ECM2: variants seen among roughly 807,000 people sequenced by gnomAD.
ECM2 encodes the protein extracellular matrix protein 2, female organ and adipocyte specific.
ECM2 carries 57 observed loss-of-function variants against 67.5 expected under a neutral mutation model. The ratio of observed to expected loss-of-function variants is 0.84; its 90% CI spans 0.68 to 1.05. The LOEUF (loss-of-function observed/expected upper bound fraction) is 1.05, where lower values mean the gene tolerates loss of function less well. ECM2 is among the 50% of genes least tolerant of loss of function. ECM2 has a pLI of 0.00. For synonymous variants in ECM2, 258 were observed against 294.5 expected (o/e 0.88, Z 1.27); for missense variants, 741 against 822.8 (o/e 0.90, Z 1.22).
chr9:92,529,525 A>T (rs573280601), intron 1 of ECM2, among the ~76,000 whole-genome samples: 1 of 152,344 alleles, frequency 6.6e-6, no homozygotes, highest in African/African-American at 2.4e-5. Context: ...TAGGAGCTTT[A>T]TTCATAATTG....
chr9:92,539,115 T>C (rs4744139), upstream of ECM2: 64,517 of 152,118 alleles, frequency 0.42, 16,089 homozygotes, highest in African/African-American at 0.69. Context: ...GCCCACGCAC[T>C]GAATATTAGG....
chr9:92,555,906 A>T, the ECM2 span, among the ~76,000 whole-genome samples: 1 of 151,718 alleles, frequency 6.6e-6, no homozygotes, highest in South Asian at 2.1e-4. Context: ...TTCTGCTCTA[A>T]TCTTGGTTAT....
At chr9:92,522,988 C>G in intron 1 of ECM2, 95 bp from the exon 2 acceptor site, 1 of 1,201,442 alleles carries the variant, frequency 8.3e-7, no homozygotes, top group Non-Finnish European at 1.1e-6. Context: ...GTAGGCAAGT[C>G]TTTGAGAAAT....
At chr9:92,542,393 A>C in the ECM2 span, among the ~76,000 whole-genome samples, 1 of 151,624 alleles carries the variant, frequency 6.6e-6, no homozygotes, top group Non-Finnish European at 1.5e-5. Context: ...TCTTAATTTG[A>C]TGTAATCTCA....
upstream of ECM2, among the ~76,000 whole-genome samples, chr9:92,538,321 A>T (rs1003221789): frequency 6.6e-6 from 1 of 152,226 alleles, no homozygotes; most frequent in Non-Finnish European, 1.5e-5. Flanking sequence ...TACATGTATT[A>T]TGATCTTACC....
the ECM2 span, among the ~76,000 whole-genome samples, chr9:92,558,921 G>A: frequency 6.6e-6 from 1 of 152,112 alleles, no homozygotes; most frequent in Non-Finnish European, 1.5e-5. Flanking sequence ...GGGGAAAGCC[G>A]GCAGTCACAG....
At chr9:92,544,543 G>GT in the ECM2 span, among the ~76,000 whole-genome samples, 87 of 116,666 alleles carry the variant, frequency 7.5e-4, no homozygotes, top group African/African-American at 1.5e-3. Context: ...TTGTTGAGGG[G>GT]TTTTTTTTTT....
rs146863270 is a variant in ECM2, at chr9:92,502,383, C to T, written c.1604+130G>A. On this transcript the variant is annotated intron_variant, in intron 8 of 9. Coordinates refer to ENST00000344604, the MANE Select transcript of ECM2 (RefSeq NM_001393.4). Reference sequence around the variant, plus strand: ...GATAGGGTAAGGGTTCACTAAGAAACGATTCTGTCTCCGAGCCCTTCAGTA... The same window carrying T: ...GATAGGGTAAGGGTTCACTAAGAAATGATTCTGTCTCCGAGCCCTTCAGTA... The T allele has an allele frequency of 2.5e-4, 292 of 1,172,734 alleles. 1 individual carries two copies. In the African/African-American group the frequency reaches 3.6e-3, roughly 15 times the overall value. The allele number at this position is 1,172,734 out of a possible 1,614,324, so 72.6% of individuals were successfully genotyped here. A position where few individuals can be genotyped will look rare whatever the true frequency, so the allele number is the denominator to read the frequency against.
At chr9:92,517,911 A>G in intron 2 of ECM2, 36 bp from the exon 3 acceptor site, 7 of 1,611,776 alleles carry the variant, frequency 4.3e-6, no homozygotes, top group African/African-American at 1.3e-5. Context: ...TAAATTTCTT[A>G]TGTGATTATC....
intron 9 of ECM2, among the ~76,000 whole-genome samples, chr9:92,500,465 G>C (rs60863225): frequency 0.02 from 3,086 of 151,262 alleles, 109 homozygotes; most frequent in African/African-American, 0.07. Flanking sequence ...TTACAGGCGT[G>C]AGCCACTGCA....
chr9:92,501,514 G>A (rs2131154398), intron 8 of ECM2, among the ~76,000 whole-genome samples: 1 of 152,210 alleles, frequency 6.6e-6, no homozygotes, highest in Admixed American at 6.5e-5. Context: ...TTCCACATTT[G>A]ATTTGATGAC....
chr9:92,515,234 G>T, intron 3 of ECM2, 31 bp from the exon 4 acceptor site: 1 of 1,472,926 alleles, frequency 6.8e-7, no homozygotes, highest in Non-Finnish European at 9.0e-7. Context: ...AGGTAGCAGA[G>T]ATAAGTTGAT....
intron 1 of ECM2, 38 bp from the exon 2 acceptor site, chr9:92,522,931 A>G (rs1441707484): frequency 6.7e-7 from 1 of 1,503,566 alleles, no homozygotes. Context: ...GTGGTGACTA[A>G]ATTTTTACTT....
intron 7 of ECM2, 79 bp downstream of exon 7, chr9:92,505,454 A>C: frequency 8.1e-7 from 1 of 1,228,446 alleles, no homozygotes; most frequent in Non-Finnish European, 1.1e-6. Context: ...ACATCACAAT[A>C]GTCTTAAAAT....
At chr9:92,530,998 GT>G (rs1848715443) in intron 1 of ECM2, among the ~76,000 whole-genome samples, 1 of 151,984 alleles carries the variant, frequency 6.6e-6, no homozygotes, top group Non-Finnish European at 1.5e-5. Context: ...CAAAATATAT[GT>G]TTTGCTGTCT....
At chr9:92,548,436 A>G in the ECM2 span, among the ~76,000 whole-genome samples, 5 of 152,340 alleles carry the variant, frequency 3.3e-5, no homozygotes, top group African/African-American at 1.2e-4. Flanking sequence ...TCCACCCCAT[A>G]CTTGCCAGGA....
At chr9:92,540,263 CCT>C (rs1849285909), upstream of ECM2, among the ~76,000 whole-genome samples, 1 of 151,860 alleles carries the variant, frequency 6.6e-6, no homozygotes, top group African/African-American at 2.4e-5. Context: ...ATGATGAAAC[CCT>C]GTCTCTACTA....
At chr9:92,544,683 G>A in the ECM2 span, among the ~76,000 whole-genome samples, 1 of 151,204 alleles carries the variant, frequency 6.6e-6, no homozygotes, top group East Asian at 1.9e-4. Context: ...TCACCAATGT[G>A]AGGACCAGAG....
In ECM2 at chr9:92,512,100, C is replaced by CATT; in HGVS notation, c.1080_1081insAAT (p.Asp360_Glu361insAsn). The CATT allele has an allele frequency of 6.2e-7, 1 of 1,613,748 alleles. No homozygotes were observed. Among genetic ancestry groups the CATT allele is most frequent in the Non-Finnish European group, 8.5e-7 (1 of 1,179,806 alleles). On this transcript the variant is annotated inframe_insertion, in exon 5 of 10. Transcript: ENST00000344604. Reference sequence around the variant, plus strand: ...AAATTTGGTAATCCATTAAATGCTTCATCTGGGATGGAGGCGATGGAATTG... The same window carrying CATT: ...AAATTTGGTAATCCATTAAATGCTTCATTATCTGGGATGGAGGCGATGGAATTG...
Sources: allele counts gnomAD v4.1 joint callset (sites outside exome capture counted in the v4.1 genomes callset), GRCh38; gene constraint gnomAD v4.1.1; transcripts MANE v1.5; gene names NCBI Gene and HGNC (gene_info 2026-07-23, HGNC 2026-07-21).